The following TUSC3 variants were observed in gnomAD, a reference collection of about 807,000 sequenced individuals.
TUSC3 encodes the protein dolichyl-diphosphooligosaccharide--protein glycosyltransferase subunit TUSC3.
TUSC3 carries 45 observed loss-of-function variants against 44.8 expected under a neutral mutation model. That is an observed-to-expected ratio of 1.00 (90% CI 0.79 to 1.29). TUSC3 has a LOEUF of 1.29. Among genes scored for constraint, TUSC3 ranks in the 50% most tolerant of loss-of-function variants. The pLI, the probability that TUSC3 is intolerant of heterozygous loss-of-function variation, is 0.00. For synonymous variants in TUSC3, 212 were observed against 152.9 expected (o/e 1.39, Z -2.85); for missense variants, 519 against 437.9 (o/e 1.19, Z -1.65).
chr8:15,633,511 G>A (rs1390765565), intron 2 of TUSC3, among the ~76,000 whole-genome samples: 2 of 152,202 alleles, frequency 1.3e-5, no homozygotes, highest in Non-Finnish European at 2.9e-5. Flanking sequence ...GATGTAATTA[G>A]TTAAGATGAG....
At chr8:15,587,256 A>G (rs1471574211) in intron 1 of TUSC3, among the ~76,000 whole-genome samples, 2 of 152,180 alleles carry the variant, frequency 1.3e-5, no homozygotes, top group African/African-American at 4.8e-5. Context: ...CTCTCCCTGT[A>G]TCCATCCTGA....
the TUSC3 span, among the ~76,000 whole-genome samples, chr8:15,828,620 G>T: frequency 6.6e-6 from 1 of 152,200 alleles, no homozygotes; most frequent in African/African-American, 2.4e-5. Context: ...TTTGGATCAA[G>T]AAAGAATAAG....
intron 1 of TUSC3, among the ~76,000 whole-genome samples, chr8:15,480,203 C>G (rs1182091073): frequency 6.6e-6 from 1 of 152,164 alleles, no homozygotes; most frequent in Admixed American, 6.5e-5. Context: ...AATAGAAAAA[C>G]TTGCCATGCT....
intron 1 of TUSC3, among the ~76,000 whole-genome samples, chr8:15,618,105 C>T (rs906115447): frequency 6.6e-6 from 1 of 152,144 alleles, no homozygotes; most frequent in African/African-American, 2.4e-5. Flanking sequence ...AGGACACTCT[C>T]CATGAATGGA....
At chr8:15,631,809 G>T (rs774700518) in intron 2 of TUSC3, among the ~76,000 whole-genome samples, 1 of 151,862 alleles carries the variant, frequency 6.6e-6, no homozygotes, top group Non-Finnish European at 1.5e-5. Context: ...GGGTTCAAGC[G>T]ATTCTCCTGC....
Position 15,623,300 on chromosome 8 carries a change from A to G in TUSC3, c.308+51A>G, listed in dbSNP as rs148220195. 1,837 of 1,467,654 alleles carry G rather than the reference A, an allele frequency of 1.3e-3. 26 individuals carry two copies. In the African/African-American group the frequency reaches 0.024, roughly 19 times the overall value. 90.9% of individuals were successfully genotyped at this position (1,467,654 alleles called of 1,614,324 possible). Reference sequence around the variant, plus strand: ...AAAAACTATTATTCTTGGTTTACATATATATTTTTATGTTCATTTTAAGAT... The same window carrying G: ...AAAAACTATTATTCTTGGTTTACATGTATATTTTTATGTTCATTTTAAGAT... On this transcript the variant is annotated intron_variant, in intron 2 of 10. Coordinates refer to ENST00000503731, the MANE Select transcript of TUSC3 (RefSeq NM_006765.4).
At position 15,701,423 on chromosome 8, in the gene TUSC3, T is replaced by C. The variant is rs184392960; in HGVS notation, c.798+27587T>C. ...TGATTTGTAAAATACTGTGTATGTG[T>C]GTATTTTTTACTTTAAACATTTTTA... On this transcript the variant is annotated intron_variant, in intron 6 of 10. Coordinates refer to ENST00000503731, the MANE Select transcript of TUSC3 (RefSeq NM_006765.4). Among the ~76,000 whole-genome samples, 206 of 152,278 alleles carry C rather than the reference T, an allele frequency of 1.4e-3. 2 individuals are homozygous for C. Among genetic ancestry groups the C allele is most frequent in the African/African-American group, 4.8e-3 (199 of 41,568 alleles).
chr8:15,835,932 G>C, the TUSC3 span, among the ~76,000 whole-genome samples: 3 of 151,894 alleles, frequency 2.0e-5, no homozygotes, highest in African/African-American at 4.8e-5. Context: ...CTTTTTGATA[G>C]TTTACAGTGT....
the TUSC3 span, among the ~76,000 whole-genome samples, chr8:15,771,915 C>A: frequency 2.6e-4 from 39 of 152,058 alleles, no homozygotes; most frequent in Non-Finnish European, 4.3e-4. Context: ...GGTGAAACCC[C>A]ATCTCTACTA....
intron 1 of TUSC3, among the ~76,000 whole-genome samples, chr8:15,569,286 A>T (rs6989361): frequency 0.028 from 4,225 of 152,234 alleles, 192 homozygotes; most frequent in African/African-American, 0.095. Context: ...ATATCTCTAT[A>T]TAGTTTTTCT....
chr8:15,597,500 A>G (rs920869883), intron 1 of TUSC3, among the ~76,000 whole-genome samples: 3 of 152,130 alleles, frequency 2.0e-5, no homozygotes, highest in African/African-American at 7.2e-5. Context: ...TGCCTTTGGC[A>G]CAGTGAGCTT....
intron 6 of TUSC3, among the ~76,000 whole-genome samples, chr8:15,692,225 A>G (rs912128426): frequency 4.6e-5 from 7 of 151,984 alleles, no homozygotes; most frequent in African/African-American, 1.7e-4. Context: ...TTAGTTTGCT[A>G]GTATTTTGTT....
chr8:15,520,459 CA>C (rs959800793), intron 2 of TUSC3, among the ~76,000 whole-genome samples: 24 of 152,278 alleles, frequency 1.6e-4, no homozygotes, highest in African/African-American at 5.5e-4. Context: ...CAGGATTCTA[CA>C]AATTGTTGGT....
chr8:15,777,994 A>G, the TUSC3 span, among the ~76,000 whole-genome samples: 2 of 151,398 alleles, frequency 1.3e-5, no homozygotes, highest in South Asian at 2.1e-4. Context: ...AAACATCTTG[A>G]TTTCCCTCTC....
rs1478053377 is a variant in TUSC3, at chr8:15,557,801, C to T, written c.138+17233C>T. On this transcript the variant is annotated intron_variant, in intron 1 of 10. Coordinates refer to ENST00000503731, the MANE Select transcript of TUSC3 (RefSeq NM_006765.4). Reference sequence around the variant, plus strand: ...GGAGTTCACTCATGATTTGGCTCTCCGTTTGTCTGTTGTTGGTGTATAAGA... The same window carrying T: ...GGAGTTCACTCATGATTTGGCTCTCTGTTTGTCTGTTGTTGGTGTATAAGA... Among the ~76,000 whole-genome samples the T allele has an allele frequency of 3.3e-3, 447 of 135,846 alleles. 24 individuals are homozygous for T. The highest frequency in any genetic ancestry group is 0.011 in the African/African-American group (418 of 37,154). The allele number at this position is 135,846 out of a possible 152,430, so 89.1% of individuals were successfully genotyped here. A position where few individuals can be genotyped will look rare whatever the true frequency, so the allele number is the denominator to read the frequency against.
chr8:15,669,740 A>G (rs1270957668), intron 5 of TUSC3, among the ~76,000 whole-genome samples: 2 of 151,732 alleles, frequency 1.3e-5, no homozygotes, highest in Non-Finnish European at 2.9e-5. Flanking sequence ...AGTAAACATC[A>G]TATTTGGCAA....
chr8:15,656,589 C>A (rs1807176462), intron 3 of TUSC3, among the ~76,000 whole-genome samples: 1 of 152,160 alleles, frequency 6.6e-6, no homozygotes, highest in Non-Finnish European at 1.5e-5. Flanking sequence ...CTTGGGCAGC[C>A]CCACCCACCT....
At chr8:15,621,402 A>G in intron 1 of TUSC3, among the ~76,000 whole-genome samples, 1 of 150,786 alleles carries the variant, frequency 6.6e-6, no homozygotes. Context: ...CTTCTATGTC[A>G]CTTTCTACTG....
At chr8:15,650,274 C>G (rs1806831908) in intron 2 of TUSC3, among the ~76,000 whole-genome samples, 1 of 152,076 alleles carries the variant, frequency 6.6e-6, no homozygotes, top group African/African-American at 2.4e-5. Context: ...AAAAATTGGT[C>G]TTTGCATTTT....
Sources: allele counts gnomAD v4.1 joint callset (sites outside exome capture counted in the v4.1 genomes callset), GRCh38; gene constraint gnomAD v4.1.1; transcripts MANE v1.5; gene names NCBI Gene and HGNC (gene_info 2026-07-23, HGNC 2026-07-21).